Variants in UEVLD observed in about 807,000 individuals in gnomAD.
UEVLD encodes ubiquitin-conjugating enzyme E2 variant 3.
A neutral mutation model predicts 58.6 loss-of-function variants in UEVLD; 47 were observed. The ratio of observed to expected loss-of-function variants is 0.80; its 90% CI spans 0.63 to 1.02. The LOEUF (loss-of-function observed/expected upper bound fraction) is 1.02, where lower values mean the gene tolerates loss of function less well. Ranked by LOEUF, UEVLD falls within the 50% of genes least tolerant of loss-of-function variation. The probability of loss-of-function intolerance (pLI) is 0.00; values close to 1 mark genes in which losing one functional copy is unlikely to be tolerated. For missense variants in UEVLD, 510 were observed against 550.6 expected, an observed-to-expected ratio of 0.93 and a Z score of 0.74; for synonymous variants, 197 against 195.3, an observed-to-expected ratio of 1.01 and a Z score of -0.07.
chr11:18,576,060 C>T (rs1042484122), intron 2 of UEVLD, among the ~76,000 whole-genome samples: 1 of 152,204 alleles, frequency 6.6e-6, no homozygotes, highest in African/African-American at 2.4e-5. Context: ...TCTAACCTAA[C>T]CAACTCCGTC....
chr11:18,553,277 G>C (rs1374456122), intron 7 of UEVLD, among the ~76,000 whole-genome samples: 1 of 150,140 alleles, frequency 6.7e-6, no homozygotes, highest in Non-Finnish European at 1.5e-5. Flanking sequence ...AGTGGGCCAC[G>C]ATTGTGCCAC....
chr11:18,540,110 C>T (rs1679229183), intron 9 of UEVLD, among the ~76,000 whole-genome samples: 1 of 152,136 alleles, frequency 6.6e-6, no homozygotes, highest in Non-Finnish European at 1.5e-5. Flanking sequence ...GCTCTAGATA[C>T]ATTATCTTAA....
At chr11:18,575,574 G>A (rs1187545375) in intron 2 of UEVLD, among the ~76,000 whole-genome samples, 162 bp from the exon 3 acceptor site, 3 of 152,108 alleles carry the variant, frequency 2.0e-5, no homozygotes, top group African/African-American at 7.2e-5. Context: ...GTCAACAAGA[G>A]GAAATGACTA....
chr11:18,553,445 C>T (rs1185423182), intron 7 of UEVLD, among the ~76,000 whole-genome samples: 1 of 151,942 alleles, frequency 6.6e-6, no homozygotes, highest in African/African-American at 2.4e-5. Context: ...TAAACATCTT[C>T]AAAAGTGTAG....
At chr11:18,550,335 T>C (rs539475786) in intron 7 of UEVLD, among the ~76,000 whole-genome samples, 3 of 152,292 alleles carry the variant, frequency 2.0e-5, no homozygotes, top group Non-Finnish European at 4.4e-5. Flanking sequence ...GCAGGCTGAA[T>C]TGGTCTATAC....
At chr11:18,569,442 C>G (rs1193304987) in intron 4 of UEVLD, among the ~76,000 whole-genome samples, 1 of 152,012 alleles carries the variant, frequency 6.6e-6, no homozygotes, top group Non-Finnish European at 1.5e-5. Flanking sequence ...ATAAGAAAAT[C>G]TTGAAAATAT....
chr11:18,581,608 C>G (rs1017407351), intron 1 of UEVLD, among the ~76,000 whole-genome samples: 4 of 151,054 alleles, frequency 2.6e-5, no homozygotes, highest in African/African-American at 7.3e-5. Flanking sequence ...CACTTGAACC[C>G]GGGAGGCAGA....
chr11:18,551,422 C>CA (rs34545423), intron 7 of UEVLD, among the ~76,000 whole-genome samples: 14,619 of 67,232 alleles, frequency 0.22, 1,017 homozygotes, highest in East Asian at 0.34. Context: ...GACTCCATCA[C>CA]AAAAAAAAAA....
chr11:18,556,179 G>A (rs546073415), intron 7 of UEVLD, among the ~76,000 whole-genome samples: 1 of 152,272 alleles, frequency 6.6e-6, no homozygotes, highest in African/African-American at 2.4e-5. Context: ...TCAGTCCTAC[G>A]TGGCCTCACA....
intron 3 of UEVLD, among the ~76,000 whole-genome samples, chr11:18,574,980 G>A (rs1852823227): frequency 6.6e-6 from 1 of 152,158 alleles, no homozygotes; most frequent in African/African-American, 2.4e-5. Flanking sequence ...GTGGTAGTAG[G>A]GGGTTTGTGA....
In UEVLD at chr11:18,532,505, G is replaced by A. The variant is rs369737064; in HGVS notation, c.1249-18C>T. ...TAATATCCCTGAAATGAGAAAAATA[G>A]GGATTTAATAGAACTAAATCATTGC... On this transcript the variant is annotated intron_variant, in intron 11 of 11. Coordinates refer to ENST00000396197, the MANE Select transcript of UEVLD (RefSeq NM_001040697.4). The A allele has an allele frequency of 6.7e-4, 1,042 of 1,566,350 alleles. 4 individuals carry two copies. The highest frequency in any genetic ancestry group is 8.1e-4 in the Non-Finnish European group (934 of 1,152,572).
intron 9 of UEVLD, 82 bp downstream of exon 9, chr11:18,544,541 C>T: frequency 6.8e-7 from 1 of 1,464,116 alleles, no homozygotes; most frequent in Admixed American, 2.5e-5. Flanking sequence ...GTCCTGGCTT[C>T]AAGCAATCCT....
At chr11:18,577,087 G>A (rs1852955388) in intron 2 of UEVLD, among the ~76,000 whole-genome samples, 1 of 152,196 alleles carries the variant, frequency 6.6e-6, no homozygotes, top group Non-Finnish European at 1.5e-5. Flanking sequence ...AGAGACTGAT[G>A]CATGAGAATT....
At chr11:18,563,654 T>A in intron 6 of UEVLD, 1 of 977,910 alleles carries the variant, frequency 1.0e-6, no homozygotes, top group South Asian at 4.7e-5. Context: ...ACTTGAAATG[T>A]TTATAGAAGC....
At chr11:18,561,611 G>A (rs1852036704) in intron 6 of UEVLD, among the ~76,000 whole-genome samples, 1 of 152,182 alleles carries the variant, frequency 6.6e-6, no homozygotes, top group African/African-American at 2.4e-5. Flanking sequence ...GGAGGCCGAG[G>A]CGGGCAGATT....
chr11:18,570,571 C>A, intron 3 of UEVLD, 194 bp from the exon 4 acceptor site: 1 of 347,666 alleles, frequency 2.9e-6, no homozygotes, highest in Non-Finnish European at 5.0e-6. Context: ...CATGGAGGAA[C>A]CCCATCTCTA....
At chr11:18,547,155 G>T in intron 7 of UEVLD, 105 bp from the exon 8 acceptor site, 1 of 1,164,770 alleles carries the variant, frequency 8.6e-7, no homozygotes, top group Non-Finnish European at 1.2e-6. Context: ...GAGCTTTTAG[G>T]CACGCCTCCC....
rs771838230 is a variant in UEVLD at position 18,570,214 on chromosome 11, A to G, written c.357T>C (p.His119=). 8 of 1,583,528 alleles carry G rather than the reference A, an allele frequency of 5.1e-6. No individual in the cohort carries two copies. Among genetic ancestry groups the G allele is most frequent in the Admixed American group, 1.9e-5 (1 of 52,192 alleles). ...TGTAGAAAATCCAAATTGATCTTAC[A>G]TGGCTCCAGTTTTGGAGATAGGGCA... The part of the protein sequence containing the change: ...IYLPYLQNWS[H]PKSVIVGLIK... Residue 119 remains histidine, a splice_region_variant and synonymous_variant, in exon 4 of 12, where the codon CAT becomes CAC. Coordinates refer to ENST00000396197, the MANE Select transcript of UEVLD (RefSeq NM_001040697.4).
intron 1 of UEVLD, among the ~76,000 whole-genome samples, chr11:18,580,280 G>A (rs1346923889): frequency 1.3e-5 from 2 of 152,178 alleles, no homozygotes; most frequent in South Asian, 2.1e-4. Context: ...GCTGCTTTGG[G>A]AAACAGCCTG....
Sources: allele counts gnomAD v4.1 joint callset (sites outside exome capture counted in the v4.1 genomes callset), GRCh38; gene constraint gnomAD v4.1.1; transcripts MANE v1.5; gene names NCBI Gene and HGNC (gene_info 2026-07-23, HGNC 2026-07-21).